CFAP61: variants seen among roughly 807,000 people sequenced by gnomAD.
CFAP61 encodes cilia and flagella associated protein 61.
CFAP61 carries 107 observed loss-of-function variants against 135.6 expected under a neutral mutation model. The observed-to-expected ratio is 0.79, with a 90% CI of 0.67 to 0.93. The LOEUF (loss-of-function observed/expected upper bound fraction) is 0.93. CFAP61 is among the 40% of genes least tolerant of loss of function. The probability of loss-of-function intolerance (pLI) is 0.00; values close to 1 mark genes in which losing one functional copy is unlikely to be tolerated. For missense variants in CFAP61, 1,507 were observed against 1,556.2 expected (o/e 0.97, Z 0.53); for synonymous variants, 575 against 578.5 (o/e 0.99, Z 0.09).
At chr20:20,270,990 A>G (rs927429740) in intron 21 of CFAP61, among the ~76,000 whole-genome samples, 22 of 152,204 alleles carry the variant, frequency 1.4e-4, no homozygotes, top group African/African-American at 5.3e-4. Context: ...AAACTTTAAA[A>G]TGTGATCGCT....
At chr20:20,087,326 C>T (rs980002587) in intron 6 of CFAP61, among the ~76,000 whole-genome samples, 5 of 152,094 alleles carry the variant, frequency 3.3e-5, no homozygotes, top group African/African-American at 9.7e-5. Flanking sequence ...TCTATCGTTA[C>T]CATCTTTATG....
At chr20:20,054,468 A>G (rs1039709236) in intron 1 of CFAP61, among the ~76,000 whole-genome samples, 2 of 152,154 alleles carry the variant, frequency 1.3e-5, no homozygotes, top group Admixed American at 1.3e-4. Context: ...TAAACTTTAT[A>G]TGTAGTTTAC....
In CFAP61 at chr20:20,090,225, C is replaced by T. The variant is rs141352479; in HGVS notation, c.567-619C>T. Among the ~76,000 whole-genome samples the T allele has an allele frequency of 1.4e-3, 215 of 152,316 alleles. 2 individuals are homozygous for T. The highest frequency in any genetic ancestry group is 4.9e-3 in the African/African-American group (203 of 41,556). ...GCAATGTTCCACTTCTAGGTTTCAA[C>T]ATAGCTTCTTCCCTTTCTGTTCATT... is the stretch of plus-strand genomic sequence containing the variant. On this transcript the variant is annotated intron_variant, in intron 6 of 26. Coordinates refer to ENST00000245957, the MANE Select transcript of CFAP61 (RefSeq NM_015585.4).
At chr20:20,294,769 A>G (rs2055275777) in intron 24 of CFAP61, among the ~76,000 whole-genome samples, 1 of 151,568 alleles carries the variant, frequency 6.6e-6, no homozygotes, top group African/African-American at 2.4e-5. Flanking sequence ...TCTACTAAAA[A>G]TACAAAAAAT....
intron 4 of CFAP61, among the ~76,000 whole-genome samples, chr20:20,074,967 C>T (rs1219568886): frequency 6.6e-6 from 1 of 152,174 alleles, no homozygotes; most frequent in Non-Finnish European, 1.5e-5. Context: ...TCTCTGCCTC[C>T]ATGGGACAGA....
At chr20:20,321,170 G>C (rs2057492004) in intron 25 of CFAP61, among the ~76,000 whole-genome samples, 1 of 152,126 alleles carries the variant, frequency 6.6e-6, no homozygotes. Context: ...TTGGGAGAGA[G>C]AGAAGTGAGG....
At position 20,188,037 on chromosome 20, in the gene CFAP61, A is replaced by G; in HGVS notation, c.1493A>G (p.Asn498Ser). Residue 498 changes from asparagine to serine, a missense_variant, in exon 14 of 27, where the codon AAC (asparagine) becomes AGC (serine). Coordinates refer to ENST00000245957, the MANE Select transcript of CFAP61 (RefSeq NM_015585.4). The part of the protein sequence containing the change: ...KSILEDLDRY[N>S]KARKDPDGTL... ...ATATTGGAGGACTTAGACCGTTACA[A>G]CAAGGCTCGCAAAGACCCTGTAAGT... The G allele has an allele frequency of 6.2e-7, 1 of 1,614,206 alleles. No homozygotes were observed. Among genetic ancestry groups the G allele is most frequent in the Non-Finnish European group, 8.5e-7 (1 of 1,180,020 alleles).
chr20:20,307,556 C>T (rs1467490119), intron 25 of CFAP61, among the ~76,000 whole-genome samples: 1 of 152,164 alleles, frequency 6.6e-6, no homozygotes, highest in Non-Finnish European at 1.5e-5. Flanking sequence ...TTCCCTCCCC[C>T]TCCCAAATTA....
intron 17 of CFAP61, among the ~76,000 whole-genome samples, chr20:20,208,307 A>T (rs1208656039): frequency 6.6e-6 from 1 of 152,216 alleles, no homozygotes; most frequent in East Asian, 1.9e-4. Context: ...CTTCTGGTCA[A>T]TTCTAGGTCA....
intron 9 of CFAP61, among the ~76,000 whole-genome samples, chr20:20,159,072 G>C (rs6035569): frequency 0.9 from 137,316 of 152,266 alleles, 62,738 homozygotes; most frequent in Middle Eastern, 0.99. Context: ...CAGAAGAATA[G>C]GAATAATGGA....
chr20:20,309,632 A>G lies in CFAP61; in HGVS notation c.3422+11246A>G, dbSNP rs574682914. 3.3e-5 allele frequency among the ~76,000 whole-genome samples: 5 copies of G among 152,322 alleles called. No individual in the cohort carries two copies. In the East Asian group the frequency reaches 7.7e-4, roughly 23 times the overall value. Reference sequence around the variant, plus strand: ...CAGGACAAATAGGAGTAGGTTTGCCATCATGCAATGACCATTCTTTAGTAA... The same window carrying G: ...CAGGACAAATAGGAGTAGGTTTGCCGTCATGCAATGACCATTCTTTAGTAA... On this transcript the variant is annotated intron_variant, in intron 25 of 26. Transcript: ENST00000245957.
intron 25 of CFAP61, among the ~76,000 whole-genome samples, chr20:20,327,394 G>C (rs535561875): frequency 2.0e-5 from 3 of 152,230 alleles, no homozygotes; most frequent in African/African-American, 7.2e-5. Flanking sequence ...CAGGAACTTC[G>C]AAGGCCAGTG....
intron 17 of CFAP61, among the ~76,000 whole-genome samples, chr20:20,209,959 A>G (rs1282219463): frequency 6.6e-6 from 1 of 152,108 alleles, no homozygotes; most frequent in Non-Finnish European, 1.5e-5. Flanking sequence ...TTGCTGCAGA[A>G]GAATCCCATC....
intron 13 of CFAP61, among the ~76,000 whole-genome samples, chr20:20,171,077 C>T (rs767131376): frequency 6.6e-6 from 1 of 152,092 alleles, no homozygotes; most frequent in Non-Finnish European, 1.5e-5. Flanking sequence ...GAACTGAAAT[C>T]GGAACCCAGG....
At chr20:20,118,320 GTCTC>G (rs2049335703) in intron 8 of CFAP61, among the ~76,000 whole-genome samples, 4 of 91,492 alleles carry the variant, frequency 4.4e-5, no homozygotes, top group South Asian at 3.5e-4. Flanking sequence ...CTTTCTTTCT[GTCTC>G]TCTCTCTGTC....
At position 20,277,302 on chromosome 20, in the gene CFAP61, C is replaced by G. The variant is rs147649386; in HGVS notation, c.2640C>G (p.Tyr880Ter). ...CCACCATCACCTGCATCAACAACTACTCGGTGGAGAGCGCCGTGGCGGACG... is the reference window on the plus strand; with the variant it reads ...CCACCATCACCTGCATCAACAACTAGTCGGTGGAGAGCGCCGTGGCGGACG... ...PASTITCINN[Y>*]SVESAVADAL... The change falls in exon 22 of 27, where the codon TAC (tyrosine) becomes TAG (stop). Residue 880 changes from tyrosine to a stop codon, truncating the protein, a stop_gained. Coordinates refer to ENST00000245957, the MANE Select transcript of CFAP61 (RefSeq NM_015585.4). LOFTEE classifies it high-confidence loss of function. The G allele has an allele frequency of 5.0e-6, 8 of 1,614,096 alleles. No individual in the cohort carries two copies. The highest frequency in any genetic ancestry group is 6.8e-6 in the Non-Finnish European group (8 of 1,180,050).
At chr20:20,280,964 A>G (rs570486293) in intron 22 of CFAP61, among the ~76,000 whole-genome samples, 29 of 152,138 alleles carry the variant, frequency 1.9e-4, no homozygotes, top group Non-Finnish European at 4.0e-4. Context: ...CCTGACAATT[A>G]ATTATGTTTG....
chr20:20,187,967 C>T lies in CFAP61; in HGVS notation c.1423C>T (p.Pro475Ser), dbSNP rs1462356713. The change falls in exon 14 of 27, where the codon CCT (proline) becomes TCT (serine). Residue 475 changes from proline to serine, a missense_variant. Coordinates refer to ENST00000245957, the MANE Select transcript of CFAP61 (RefSeq NM_015585.4). Reference protein sequence around the residue: ...NIRFATLLDTPGVENLVSTLM... With the variant: ...NIRFATLLDTSGVENLVSTLM... ...AAGATTTGCCACTCTCTTGGATACT[C>T]CTGGTGTGGAAAATCTTGTCAGCAC... The T allele has an allele frequency of 6.2e-7, 1 of 1,613,332 alleles. No homozygotes were observed. The highest frequency in any genetic ancestry group is 2.2e-5 in the East Asian group (1 of 44,886).
Position 20,086,088 on chromosome 20 carries a change from C to T in CFAP61, c.567-4756C>T, listed in dbSNP as rs1190635745. On this transcript the variant is annotated intron_variant, in intron 6 of 26. Coordinates refer to ENST00000245957, the MANE Select transcript of CFAP61 (RefSeq NM_015585.4). ...CTGTGTCTTGCAGCTATTCTTGTCCCTACCTGTTTTTTGTACATGAGAAAA... is the reference window on the plus strand; with the variant it reads ...CTGTGTCTTGCAGCTATTCTTGTCCTTACCTGTTTTTTGTACATGAGAAAA... Among the ~76,000 whole-genome samples the T allele has an allele frequency of 2.6e-5, 4 of 151,940 alleles. No homozygotes were observed. The South Asian group carries it at 8.3e-4, about 32-fold the overall frequency.
Sources: allele counts gnomAD v4.1 joint callset (sites outside exome capture counted in the v4.1 genomes callset), GRCh38; gene constraint gnomAD v4.1.1; transcripts MANE v1.5; gene names NCBI Gene and HGNC (gene_info 2026-07-23, HGNC 2026-07-21).